KDM6A: variants seen among roughly 807,000 people sequenced by gnomAD.
KDM6A encodes the protein lysine-specific demethylase 6A.
In KDM6A, 11 loss-of-function variants were observed where a neutral mutation model predicts 117.6. The ratio of observed to expected loss-of-function variants is 0.09; its 90% CI spans 0.06 to 0.15. The LOEUF is 0.15. Ranked by LOEUF, KDM6A falls within the 10% of genes least tolerant of loss-of-function variation. The pLI, the probability that KDM6A is intolerant of heterozygous loss-of-function variation, is 1.00. For missense variants in KDM6A, 799 were observed against 1,077.3 expected, an observed-to-expected ratio of 0.74 and a Z score of 3.62; for synonymous variants, 384 against 396.1, an observed-to-expected ratio of 0.97 and a Z score of 0.36.
chrX:44,902,476 G>A (rs761289735), intron 2 of KDM6A, among the ~76,000 whole-genome samples: 92 of 107,084 alleles, frequency 8.6e-4, no homozygotes, highest in Non-Finnish European at 1.5e-3. Flanking sequence ...TGCAACCTCC[G>A]CCTCCTGGGT....
intron 2 of KDM6A, among the ~76,000 whole-genome samples, chrX:44,915,756 G>A (rs2035511629): frequency 2.7e-5 from 3 of 111,479 alleles, no homozygotes; most frequent in Non-Finnish European, 3.8e-5. Flanking sequence ...AGCCGTCTGA[G>A]TTATCAGATT....
chrX:45,111,122 T>G (rs757948756), intron 29 of KDM6A, among the ~76,000 whole-genome samples: 1 of 111,593 alleles, frequency 9.0e-6, no homozygotes, highest in South Asian at 3.7e-4. Flanking sequence ...GTAAACGTAA[T>G]AACATTCCAA....
intron 23 of KDM6A, among the ~76,000 whole-genome samples, 193 bp from the exon 24 acceptor site, chrX:45,083,267 T>C (rs2045502240): frequency 8.9e-6 from 1 of 112,092 alleles, no homozygotes; most frequent in African/African-American, 3.2e-5. Context: ...TGGTGAATAA[T>C]TTTTATGCCT....
chrX:45,006,315 T>C (rs779105555), intron 4 of KDM6A, among the ~76,000 whole-genome samples: 1 of 107,958 alleles, frequency 9.3e-6, no homozygotes, highest in African/African-American at 3.4e-5. Context: ...TAATCATGGG[T>C]GAGCCCCCAA....
chrX:45,084,099 C>T (rs770217727), intron 24 of KDM6A, among the ~76,000 whole-genome samples: 21 of 111,862 alleles, frequency 1.9e-4, no homozygotes, highest in African/African-American at 6.8e-4. Context: ...TCACAACTCA[C>T]GGTTTTAAAA....
At chrX:45,014,433 C>T (rs1438928488) in intron 5 of KDM6A, among the ~76,000 whole-genome samples, 1 of 111,625 alleles carries the variant, frequency 9.0e-6, no homozygotes, top group Non-Finnish European at 1.9e-5. Context: ...TTATTTTACT[C>T]AGTAATCTGG....
In KDM6A at chrX:45,081,744, G is replaced by A. The variant is rs190640118; in HGVS notation, c.3301-832G>A. ...AGTGGAGGAAGTTGGATACCATGCC[G>A]GTGAGATTCAACTTTTCTTGGGTAT... On this transcript the variant is annotated intron_variant, in intron 21 of 29. Transcript: ENST00000611820. Among the ~76,000 whole-genome samples, 408 of 110,928 alleles carry A rather than the reference G, an allele frequency of 3.7e-3. 1 individual carries two copies. The highest frequency in any genetic ancestry group is 0.012 in the African/African-American group (375 of 30,556).
chrX:45,090,639 G>A (rs2148201169), intron 26 of KDM6A, 84 bp from the exon 27 acceptor site: 3 of 993,751 alleles, frequency 3.0e-6, no homozygotes, highest in Non-Finnish European at 4.2e-6. Context: ...TGATGTTGAA[G>A]ATATCACCTG....
chrX:44,953,646 C>T (rs1004860216), intron 2 of KDM6A, among the ~76,000 whole-genome samples: 2 of 111,403 alleles, frequency 1.8e-5, no homozygotes, highest in Non-Finnish European at 3.8e-5. Context: ...AACTGGGCGG[C>T]TGGGGTCAGG....
chrX:45,064,768 T>A (rs764887412), intron 17 of KDM6A, among the ~76,000 whole-genome samples: 1 of 112,123 alleles, frequency 8.9e-6, no homozygotes, highest in Non-Finnish European at 1.9e-5. Context: ...CTTATATTAT[T>A]GATAAAACTG....
At chrX:44,990,013 T>C (rs1201000414) in intron 4 of KDM6A, among the ~76,000 whole-genome samples, 1 of 111,913 alleles carries the variant, frequency 8.9e-6, no homozygotes, top group Non-Finnish European at 1.9e-5. Flanking sequence ...CAATAGTTTA[T>C]AGACCACTGT....
intron 2 of KDM6A, among the ~76,000 whole-genome samples, chrX:44,920,446 T>TA (rs1433268590): frequency 9.0e-6 from 1 of 110,641 alleles, no homozygotes; most frequent in African/African-American, 3.3e-5. Context: ...TTATTTTATT[T>TA]TTTTTTTTTT....
chrX:45,060,092 C>T lies in KDM6A; in HGVS notation c.1265C>T (p.Ala422Val), dbSNP rs2044234734. The part of the protein sequence containing the change: ...KTKLLPSIEE[A>V]WSLPIPAELT... ...AAATTACTTCCTAGTATTGAGGAGGCGTGGAGCCTACCAATTCCCGCAGAG... is the reference window on the plus strand; with the variant it reads ...AAATTACTTCCTAGTATTGAGGAGGTGTGGAGCCTACCAATTCCCGCAGAG... Residue 422 changes from alanine (A) to valine (V), a missense_variant, in exon 13 of 30, where the codon GCG becomes GTG. Physicochemically the swap from Ala to Val is moderately conservative, Grantham distance 64 (BLOSUM62 0). Around this residue, in one of 8 missense-constraint regions of KDM6A, gnomAD observed 7 missense variants for 23.4 expected, o/e 0.30. Coordinates refer to ENST00000611820, the MANE Select transcript of KDM6A (RefSeq NM_001291415.2). 3 of 1,210,580 alleles carry T rather than the reference C, an allele frequency of 2.5e-6. No homozygotes were observed. The highest frequency in any genetic ancestry group is 3.4e-6 in the Non-Finnish European group (3 of 894,996).
chrX:45,109,531 C>T (rs1438601945), intron 28 of KDM6A, among the ~76,000 whole-genome samples: 1 of 111,428 alleles, frequency 9.0e-6, no homozygotes, highest in African/African-American at 3.3e-5. Context: ...GTAATTCTAG[C>T]ATCAACCTTT....
intron 19 of KDM6A, among the ~76,000 whole-genome samples, chrX:45,077,617 A>C (rs753813533): frequency 9.0e-6 from 1 of 110,807 alleles, no homozygotes; most frequent in Admixed American, 9.6e-5. Context: ...TAAGGGAAGC[A>C]CTGGGATAGA....
intron 7 of KDM6A, among the ~76,000 whole-genome samples, chrX:45,036,357 G>A (rs2042814359): frequency 8.9e-6 from 1 of 112,012 alleles, no homozygotes; most frequent in Non-Finnish European, 1.9e-5. Flanking sequence ...TCAGTATAAC[G>A]TGGATTAAGA....
chrX:45,053,305 G>A (rs772975371), intron 9 of KDM6A, among the ~76,000 whole-genome samples: 2 of 110,084 alleles, frequency 1.8e-5, no homozygotes, highest in East Asian at 2.9e-4. Flanking sequence ...GGTGGTGCGC[G>A]CCTGTAGTCC....
chrX:45,077,195 C>G (rs112043439), intron 19 of KDM6A, among the ~76,000 whole-genome samples: 2 of 108,941 alleles, frequency 1.8e-5, no homozygotes, highest in South Asian at 4.0e-4. Flanking sequence ...ATCTACCCCC[C>G]CAAAAAAGAT....
intron 2 of KDM6A, among the ~76,000 whole-genome samples, chrX:44,950,618 A>G (rs971698940): frequency 1.4e-4 from 15 of 110,566 alleles, no homozygotes; most frequent in African/African-American, 4.3e-4. Flanking sequence ...GTGTGTGAAT[A>G]TAGAATCCAT....
Sources: gnomAD v4.1 joint callset for allele counts (sites outside exome capture counted in the v4.1 genomes callset) on GRCh38, gnomAD v4.1.1 for gene constraint, gnomAD v4.1.1 regional missense constraint, MANE v1.5 for transcripts, NCBI Gene and HGNC (gene_info 2026-07-23, HGNC 2026-07-21) for gene names.